Variants in DPY19L1 observed in about 807,000 individuals in gnomAD.
DPY19L1 encodes dpy-19 like C-mannosyltransferase 1.
A neutral mutation model predicts 96.9 loss-of-function variants in DPY19L1; 35 were observed. The observed-to-expected ratio is 0.36, with a 90% CI of 0.28 to 0.48. The LOEUF (loss-of-function observed/expected upper bound fraction) is 0.48, where lower values mean the gene tolerates loss of function less well. Ranked by LOEUF, DPY19L1 falls within the 20% of genes least tolerant of loss-of-function variation. DPY19L1 has a pLI of 0.99. For synonymous variants in DPY19L1, 205 were observed against 252.6 expected (o/e 0.81, Z 1.79); for missense variants, 521 against 777.9 (o/e 0.67, Z 3.93).
intron 6 of DPY19L1, among the ~76,000 whole-genome samples, chr7:34,994,344 A>T (rs914331992): frequency 6.6e-6 from 1 of 152,174 alleles, no homozygotes; most frequent in African/African-American, 2.4e-5. Context: ...AATCTAAAAC[A>T]ACCTAAAACA....
chr7:35,037,862 G>T, upstream of DPY19L1: 2 of 1,236,150 alleles, frequency 1.6e-6, no homozygotes. Flanking sequence ...AGGACGCGGG[G>T]GCGGACGGCC....
rs750907481 is a variant in DPY19L1, at chr7:34,931,546, C to T, written c.*27G>A. 20 of 1,504,542 alleles carry T rather than the reference C, an allele frequency of 1.3e-5. No individual in the cohort carries two copies. Among genetic ancestry groups the T allele is most frequent in the Non-Finnish European group, 1.7e-5 (19 of 1,128,722 alleles). 93.2% of individuals were successfully genotyped at this position (1,504,542 alleles called of 1,614,324 possible). On this transcript the variant is annotated 3_prime_UTR_variant, in exon 22 of 22. Coordinates refer to ENST00000638088, the MANE Select transcript of DPY19L1 (RefSeq NM_001366673.1). Reference sequence around the variant, plus strand: ...CATTAAAACCATTACAGATGTAGTTCTCCGTAGGCAGCAGGTCATGTAGCA... The same window carrying T: ...CATTAAAACCATTACAGATGTAGTTTTCCGTAGGCAGCAGGTCATGTAGCA...
chr7:34,938,846 C>T (rs1246246531), intron 20 of DPY19L1, among the ~76,000 whole-genome samples: 3 of 152,136 alleles, frequency 2.0e-5, no homozygotes, highest in East Asian at 3.9e-4. Flanking sequence ...ACAGGCTATA[C>T]TGGTGAAAAC....
chr7:34,996,260 A>T (rs1785281486), intron 6 of DPY19L1, among the ~76,000 whole-genome samples: 2 of 152,114 alleles, frequency 1.3e-5, no homozygotes. Flanking sequence ...ACCACACCTC[A>T]TGTCATTGTT....
intron 11 of DPY19L1, among the ~76,000 whole-genome samples, chr7:34,957,297 G>A (rs568340879): frequency 6.6e-6 from 1 of 152,226 alleles, no homozygotes; most frequent in Non-Finnish European, 1.5e-5. Context: ...CAGGAGAAAC[G>A]CTTGAACCTG....
chr7:34,939,238 G>A (rs1266585907), intron 20 of DPY19L1, 38 bp downstream of exon 20: 1 of 1,562,368 alleles, frequency 6.4e-7, no homozygotes, highest in Non-Finnish European at 8.8e-7. Flanking sequence ...CTGTTTGCAT[G>A]GGAGGTTTGT....
At chr7:34,993,080 CAT>C (rs1269374601) in intron 6 of DPY19L1, among the ~76,000 whole-genome samples, 2 of 152,214 alleles carry the variant, frequency 1.3e-5, no homozygotes, top group Non-Finnish European at 2.9e-5. Context: ...TAAGTTAACA[CAT>C]ATGTGTGACA....
intron 8 of DPY19L1, among the ~76,000 whole-genome samples, chr7:34,972,414 G>A (rs572501324): frequency 2.4e-4 from 36 of 152,302 alleles, no homozygotes; most frequent in African/African-American, 8.2e-4. Flanking sequence ...GGACAGATCG[G>A]ATCAGTGAGT....
intron 4 of DPY19L1, among the ~76,000 whole-genome samples, chr7:35,013,135 A>G (rs2128678606): frequency 6.6e-6 from 1 of 152,308 alleles, no homozygotes; most frequent in Non-Finnish European, 1.5e-5. Flanking sequence ...TTCCACATCA[A>G]CAAATTTATA....
chr7:34,988,040 C>T (rs1385403283), intron 7 of DPY19L1: 2 of 151,968 alleles, frequency 1.3e-5, no homozygotes, highest in Non-Finnish European at 2.9e-5. Context: ...ATCAAAAAGA[C>T]AATTCATCAG....
chr7:34,947,720 T>C lies in DPY19L1; in HGVS notation c.1423-19A>G, dbSNP rs1160670106. ...GTGGAGTCTGAAATTCAAAGAGATGTTTTGTTAGAAGGAAACATTTTAACC... is the reference window on the plus strand; with the variant it reads ...GTGGAGTCTGAAATTCAAAGAGATGCTTTGTTAGAAGGAAACATTTTAACC... On this transcript the variant is annotated intron_variant, in intron 14 of 21. Transcript: ENST00000638088. 8 of 1,588,660 alleles carry C rather than the reference T, an allele frequency of 5.0e-6. No homozygotes were observed. Among genetic ancestry groups the C allele is most frequent in the Non-Finnish European group, 6.0e-6 (7 of 1,168,074 alleles).
chr7:34,963,613 G>GTGT (rs951687346), intron 10 of DPY19L1, among the ~76,000 whole-genome samples: 17 of 86,866 alleles, frequency 2.0e-4, no homozygotes, highest in African/African-American at 5.8e-4. Flanking sequence ...AAAATCGTGT[G>GTGT]TGTGTGTGTG....
At chr7:35,015,229 A>G (rs980971161) in intron 3 of DPY19L1, among the ~76,000 whole-genome samples, 1 of 152,234 alleles carries the variant, frequency 6.6e-6, no homozygotes, top group African/African-American at 2.4e-5. Context: ...TAAAAATGAA[A>G]GAAAGGAATT....
At chr7:35,001,897 G>A (rs1378556776) in intron 6 of DPY19L1, among the ~76,000 whole-genome samples, 14 of 151,916 alleles carry the variant, frequency 9.2e-5, no homozygotes, top group East Asian at 1.9e-4. Flanking sequence ...AGGCTGAGGC[G>A]GGCGGATCAC....
At chr7:35,008,338 T>C (rs1226579915) in intron 6 of DPY19L1, among the ~76,000 whole-genome samples, 5 of 152,182 alleles carry the variant, frequency 3.3e-5, no homozygotes, top group Non-Finnish European at 7.3e-5. Context: ...ATCTCCCATG[T>C]AGACAAAAAA....
At chr7:34,932,428 C>A (rs1198085074) in intron 21 of DPY19L1, among the ~76,000 whole-genome samples, 1 of 152,140 alleles carries the variant, frequency 6.6e-6, no homozygotes, top group African/African-American at 2.4e-5. Flanking sequence ...TTGAATATCT[C>A]ATGTAATTTA....
rs1217925740 is a variant in DPY19L1 at position 35,002,148 on chromosome 7, C to CA, written c.764+8319dup. Among the ~76,000 whole-genome samples, 824 of 136,650 alleles carry CA rather than the reference C, an allele frequency of 6.0e-3. 10 individuals are homozygous for CA. The highest frequency in any genetic ancestry group is 0.019 in the African/African-American group (727 of 37,456). 89.6% of individuals were successfully genotyped at this position (136,650 alleles called of 152,430 possible). On this transcript the variant is annotated intron_variant, in intron 6 of 21. Transcript: ENST00000638088. ...CTCAAAAAAAAAAAAAAAAACAAAA[C>CA]AAAAAACAACAACAAAAAAAACCCA...
intron 14 of DPY19L1, 87 bp from the exon 15 acceptor site, chr7:34,947,788 A>C: frequency 9.4e-7 from 1 of 1,063,174 alleles, no homozygotes. Flanking sequence ...TAAATTTCTG[A>C]AAGTAGAGAA....
intron 7 of DPY19L1, among the ~76,000 whole-genome samples, chr7:34,977,563 A>G (rs538970179): frequency 6.6e-6 from 1 of 152,280 alleles, no homozygotes; most frequent in South Asian, 2.1e-4. Context: ...AGTGCTTTCT[A>G]TTGTTTCTCC....
Sources: allele counts gnomAD v4.1 joint callset (sites outside exome capture counted in the v4.1 genomes callset), GRCh38; gene constraint gnomAD v4.1.1; transcripts MANE v1.5; gene names NCBI Gene and HGNC (gene_info 2026-07-23, HGNC 2026-07-21).